The following PRKD1 variants were observed in gnomAD, a reference collection of about 807,000 sequenced individuals.
PRKD1 encodes the protein serine/threonine-protein kinase D1.
Under a neutral mutation model 95.9 loss-of-function variants are expected in PRKD1, and 63 were observed. That is an observed-to-expected ratio of 0.66 (90% CI 0.54 to 0.81). PRKD1 has a LOEUF of 0.81. Ranked by LOEUF, PRKD1 falls within the 30% of genes least tolerant of loss-of-function variation. The probability of loss-of-function intolerance (pLI) is 0.00; values close to 1 mark genes in which losing one functional copy is unlikely to be tolerated. For missense variants in PRKD1, 1,048 were observed against 1,165.3 expected (o/e 0.90, Z 1.47); for synonymous variants, 425 against 423.1 (o/e 1.00, Z -0.05).
chr14:29,750,678 C>T (rs1297280344), intron 1 of PRKD1, among the ~76,000 whole-genome samples: 1 of 151,954 alleles, frequency 6.6e-6, no homozygotes, highest in Non-Finnish European at 1.5e-5. Flanking sequence ...CATGCTAATT[C>T]ACCTAATGTG....
chr14:29,704,258 T>C (rs893054911), intron 2 of PRKD1, among the ~76,000 whole-genome samples: 2 of 151,996 alleles, frequency 1.3e-5, no homozygotes, highest in African/African-American at 2.4e-5. Flanking sequence ...GGCATAACCA[T>C]AGAAAGGACC....
intron 1 of PRKD1, among the ~76,000 whole-genome samples, chr14:29,924,490 C>T (rs1895230677): frequency 6.6e-6 from 1 of 152,148 alleles, no homozygotes; most frequent in Non-Finnish European, 1.5e-5. Context: ...GTTACTGAAA[C>T]TGTCAGCTAA....
In PRKD1 at chr14:29,834,641, T is replaced by C. The variant is rs188899745; in HGVS notation, c.264+92608A>G. On this transcript the variant is annotated intron_variant, in intron 1 of 17. Coordinates refer to ENST00000331968, the MANE Select transcript of PRKD1 (RefSeq NM_002742.3). ...CATTTTTTTTCTATTTTACTAAATA[T>C]TAGTGTTATTGATCTTGTAAGAGAT... Among the ~76,000 whole-genome samples, 279 of 152,224 alleles carry C rather than the reference T, an allele frequency of 1.8e-3. 2 individuals are homozygous for C. The highest frequency in any genetic ancestry group is 6.3e-3 in the African/African-American group (263 of 41,568).
Position 29,884,627 on chromosome 14 carries a change from A to G in PRKD1, c.264+42622T>C, listed in dbSNP as rs115238162. Among the ~76,000 whole-genome samples the G allele has an allele frequency of 2.4e-3, 372 of 152,342 alleles. 1 individual carries two copies. The highest frequency in any genetic ancestry group is 8.8e-3 in the African/African-American group (365 of 41,582). On this transcript the variant is annotated intron_variant, in intron 1 of 17. Transcript: ENST00000331968. Reference sequence around the variant, plus strand: ...ATTTGCCCCAAAGACAAATATATCTAAAAAGAAAGGAGATGAGAAAGCCAA... The same window carrying G: ...ATTTGCCCCAAAGACAAATATATCTGAAAAGAAAGGAGATGAGAAAGCCAA...
chr14:29,631,650 C>T (rs1880015499), intron 9 of PRKD1, among the ~76,000 whole-genome samples: 1 of 151,880 alleles, frequency 6.6e-6, no homozygotes, highest in Non-Finnish European at 1.5e-5. Flanking sequence ...CAGGCACCTG[C>T]CACTACACCT....
chr14:29,731,307 T>G (rs751924429), intron 1 of PRKD1, among the ~76,000 whole-genome samples: 17 of 152,198 alleles, frequency 1.1e-4, no homozygotes, highest in Admixed American at 2.0e-4. Flanking sequence ...GTCCAAATCC[T>G]ACTTTGCATA....
intron 1 of PRKD1, among the ~76,000 whole-genome samples, chr14:29,856,128 A>G (rs1892490926): frequency 6.6e-6 from 1 of 152,182 alleles, no homozygotes; most frequent in Non-Finnish European, 1.5e-5. Context: ...GATACCTCAC[A>G]TCACAAAGGG....
Position 29,597,711 on chromosome 14 carries a change from A to C in PRKD1, c.2214T>G (p.Ser738=). Reference sequence around the variant, plus strand: ...GGGTACCCACCACTGACCTCCGGAAAGACTTCTCTCCAATGATCCGGGCAA... The same window carrying C: ...GGGTACCCACCACTGACCTCCGGAACGACTTCTCTCCAATGATCCGGGCAA... ...FGFARIIGEK[S]FRRSVVGTPA... is the part of the protein sequence containing the mutation. Residue 738 remains serine, a synonymous_variant, in exon 16 of 18, where the codon TCT becomes TCG. Transcript: ENST00000331968. The C allele has an allele frequency of 6.2e-7, 1 of 1,613,832 alleles. No individual in the cohort carries two copies. Among genetic ancestry groups the C allele is most frequent in the Non-Finnish European group, 8.5e-7 (1 of 1,179,914 alleles).
chr14:29,763,211 C>T (rs7161684), intron 1 of PRKD1, among the ~76,000 whole-genome samples: 172 of 147,400 alleles, frequency 1.2e-3, no homozygotes, highest in African/African-American at 4.1e-3. Context: ...TTGGGGGAAA[C>T]GGTTGAGCCC....
intron 2 of PRKD1, among the ~76,000 whole-genome samples, chr14:29,693,563 C>G (rs1884351677): frequency 6.9e-6 from 1 of 144,032 alleles, no homozygotes; most frequent in South Asian, 2.4e-4. Context: ...TTGATATAAT[C>G]AATTCTGAAT....
chr14:29,713,905 G>A (rs1182065105), intron 2 of PRKD1, among the ~76,000 whole-genome samples: 1 of 152,122 alleles, frequency 6.6e-6, no homozygotes, highest in East Asian at 1.9e-4. Context: ...AGTAAACGTG[G>A]CAGCTACTGA....
chr14:29,614,315 T>A (rs923891039), intron 13 of PRKD1, among the ~76,000 whole-genome samples: 1 of 152,220 alleles, frequency 6.6e-6, no homozygotes, highest in Non-Finnish European at 1.5e-5. Flanking sequence ...AAGGATTTAA[T>A]GGATTTATAA....
intron 4 of PRKD1, among the ~76,000 whole-genome samples, chr14:29,653,330 T>C (rs1217224309): frequency 1.3e-5 from 2 of 152,192 alleles, no homozygotes; most frequent in African/African-American, 4.8e-5. Context: ...AAGATTAGGC[T>C]AGAAGCATTT....
intron 4 of PRKD1, among the ~76,000 whole-genome samples, chr14:29,641,755 T>C (rs578260035): frequency 4.3e-4 from 66 of 152,292 alleles, no homozygotes; most frequent in African/African-American, 1.5e-3. Context: ...TGTTGATACA[T>C]AACAGATTAT....
At position 29,910,164 on chromosome 14, in the gene PRKD1, G is replaced by A. The variant is rs140454627; in HGVS notation, c.264+17085C>T. Among the ~76,000 whole-genome samples the A allele has an allele frequency of 5.3e-3, 804 of 152,158 alleles. 12 individuals carry two copies. The highest frequency in any genetic ancestry group is 0.017 in the African/African-American group (690 of 41,506). On this transcript the variant is annotated intron_variant, in intron 1 of 17. Coordinates refer to ENST00000331968, the MANE Select transcript of PRKD1 (RefSeq NM_002742.3). Reference sequence around the variant, plus strand: ...CTTTATGAGCTGTAACACTCACTGCGAAGGTCTGCAACTTCACTCCTGAGG... The same window carrying A: ...CTTTATGAGCTGTAACACTCACTGCAAAGGTCTGCAACTTCACTCCTGAGG...
rs779837679 is a variant in PRKD1, at chr14:29,927,302, C to A, written c.211G>T (p.Asp71Tyr). Residue 71 changes from aspartate (D) to tyrosine (Y), a missense_variant, in exon 1 of 18, where the codon GAC becomes TAC. Asp to Tyr is a radical substitution (Grantham distance 160). This residue lies in a region of PRKD1 where 275 missense variants were observed against 248.6 expected (regional missense o/e 1.11). Transcript: ENST00000331968. ...PVLLLQDSSG[D>Y]YSLAHVREMA... ...TCGCGGACGTGCGCCAGGCTGTAGT[C>A]CCCGGACGAGTCCTGCAGCAGCAGC... 2 of 1,550,858 alleles carry A rather than the reference C, an allele frequency of 1.3e-6. No homozygotes were observed. Among genetic ancestry groups the A allele is most frequent in the Non-Finnish European group, 8.7e-7 (1 of 1,150,290 alleles).
chr14:29,653,392 A>T (rs997252100), intron 4 of PRKD1, among the ~76,000 whole-genome samples: 3 of 152,160 alleles, frequency 2.0e-5, no homozygotes, highest in Admixed American at 6.5e-5. Flanking sequence ...TCAAAGCTAA[A>T]TTAGTAGATA....
At chr14:29,665,946 C>A in intron 3 of PRKD1, 131 bp downstream of exon 3, 1 of 979,028 alleles carries the variant, frequency 1.0e-6, no homozygotes, top group Non-Finnish European at 1.4e-6. Context: ...TATATATGTA[C>A]CACATTTTCT....
intron 16 of PRKD1, among the ~76,000 whole-genome samples, chr14:29,595,815 T>C (rs1332061410): frequency 6.6e-6 from 1 of 152,166 alleles, no homozygotes; most frequent in African/African-American, 2.4e-5. Context: ...TATTACGGAT[T>C]TGCATTCTGA....
Sources: allele counts gnomAD v4.1 joint callset (sites outside exome capture counted in the v4.1 genomes callset), GRCh38; gene constraint gnomAD v4.1.1; regional missense constraint gnomAD v4.1.1; transcripts MANE v1.5; gene names NCBI Gene and HGNC (gene_info 2026-07-23, HGNC 2026-07-21).